The following MAP3K5 variants were observed in gnomAD, a reference collection of about 807,000 sequenced individuals.
MAP3K5 encodes the protein mitogen-activated protein kinase kinase kinase 5, also known as ASK-1.
Under a neutral mutation model 158.7 loss-of-function variants are expected in MAP3K5, and 56 were observed. The observed-to-expected ratio is 0.35, with a 90% confidence interval of 0.28 to 0.44. MAP3K5 has a LOEUF of 0.44. Ranked by LOEUF, MAP3K5 falls within the 20% of genes least tolerant of loss-of-function variation. The pLI is 1.00. For synonymous variants in MAP3K5, 579 were observed against 601.7 expected (o/e 0.96, Z 0.55); for missense variants, 1,294 against 1,674.8 (o/e 0.77, Z 3.97).
chr6:136,574,589 C>G (rs1264775821), intron 25 of MAP3K5, among the ~76,000 whole-genome samples: 1 of 150,928 alleles, frequency 6.6e-6, no homozygotes, highest in Non-Finnish European at 1.5e-5. Context: ...TTCTTGATGA[C>G]AAGTGAGAAA....
intron 21 of MAP3K5, among the ~76,000 whole-genome samples, chr6:136,596,663 C>A (rs1775646421): frequency 6.6e-6 from 1 of 152,078 alleles, no homozygotes; most frequent in Admixed American, 6.6e-5. Context: ...GAGGGATTGG[C>A]CTTCTGTAGG....
At chr6:136,642,103 A>G (rs1020879829) in intron 12 of MAP3K5, among the ~76,000 whole-genome samples, 1 of 151,642 alleles carries the variant, frequency 6.6e-6, no homozygotes, top group Non-Finnish European at 1.5e-5. Context: ...AATTAGTGGC[A>G]GGACACAGTG....
At chr6:136,717,856 T>G (rs1369580059) in intron 2 of MAP3K5, among the ~76,000 whole-genome samples, 1 of 152,024 alleles carries the variant, frequency 6.6e-6, no homozygotes, top group East Asian at 1.9e-4. Context: ...AGGCTAGGAA[T>G]AGTCTAAATA....
intron 3 of MAP3K5, among the ~76,000 whole-genome samples, chr6:136,699,017 T>C (rs1780731416): frequency 6.6e-6 from 1 of 152,156 alleles, no homozygotes; most frequent in Admixed American, 6.5e-5. Context: ...AGGGAACTTA[T>C]AATTTAGTCA....
intron 1 of MAP3K5, among the ~76,000 whole-genome samples, chr6:136,746,986 A>G (rs967503715): frequency 4.6e-5 from 7 of 152,164 alleles, no homozygotes; most frequent in Non-Finnish European, 1.0e-4. Context: ...TGCTCTCTCA[A>G]TCATAACTCA....
At chr6:136,585,505 A>C (rs147723310) in intron 23 of MAP3K5, among the ~76,000 whole-genome samples, 4,231 of 109,920 alleles carry the variant, frequency 0.038, 138 homozygotes, top group East Asian at 0.085. Flanking sequence ...TTATTTATTT[A>C]TTTATTTATT....
intron 1 of MAP3K5, among the ~76,000 whole-genome samples, chr6:136,738,933 C>T (rs1045953940): frequency 2.0e-4 from 24 of 117,306 alleles, no homozygotes; most frequent in African/African-American, 8.2e-4. Flanking sequence ...TCCAAACACA[C>T]ACACGCGTGC....
At chr6:136,692,086 T>A (rs1780413682) in intron 7 of MAP3K5, among the ~76,000 whole-genome samples, 1 of 152,048 alleles carries the variant, frequency 6.6e-6, no homozygotes, top group Non-Finnish European at 1.5e-5. Context: ...TTTCTTTTTT[T>A]TAATAAGACA....
chr6:136,586,159 T>C (rs1240734327), intron 23 of MAP3K5, among the ~76,000 whole-genome samples: 4 of 152,246 alleles, frequency 2.6e-5, no homozygotes, highest in African/African-American at 9.6e-5. Context: ...TTATAAACTT[T>C]GTTGGTTTTT....
At chr6:136,713,304 C>A (rs568096045) in intron 2 of MAP3K5, among the ~76,000 whole-genome samples, 3 of 152,134 alleles carry the variant, frequency 2.0e-5, no homozygotes, top group African/African-American at 7.2e-5. Context: ...CATTGTGCAT[C>A]GCCTCTTAGA....
chr6:136,566,044 C>A (rs544938461), intron 26 of MAP3K5, among the ~76,000 whole-genome samples: 5 of 152,224 alleles, frequency 3.3e-5, no homozygotes, highest in Admixed American at 6.5e-5. Context: ...CAGCTAGAAC[C>A]AAGAGACACT....
intron 10 of MAP3K5, among the ~76,000 whole-genome samples, chr6:136,653,747 T>A (rs1213644014): frequency 2.0e-5 from 3 of 152,200 alleles, no homozygotes; most frequent in Non-Finnish European, 4.4e-5. Flanking sequence ...AAGAAAACAA[T>A]CAAGCGGTTA....
intron 8 of MAP3K5, among the ~76,000 whole-genome samples, chr6:136,660,350 T>C (rs1778952097): frequency 6.6e-6 from 1 of 151,458 alleles, no homozygotes; most frequent in South Asian, 2.1e-4. Context: ...TCAGAAGTAC[T>C]AGACTGGCCT....
In MAP3K5 at chr6:136,695,954, T is replaced by C; in HGVS notation, c.1079A>G (p.Asn360Ser). 6.2e-7 allele frequency: 1 copy of C among 1,605,124 alleles called. No individual in the cohort carries two copies. Among genetic ancestry groups the C allele is most frequent in the Non-Finnish European group, 8.5e-7 (1 of 1,173,486 alleles). Residue 360 changes from asparagine to serine, a missense_variant, in exon 6 of 30, where the codon AAT becomes AGT. Asn to Ser is a conservative substitution (Grantham distance 46). Transcript: ENST00000359015. ...HVKFHYAFAL[N>S]RRNLPGDRAK... is the part of the protein sequence containing the mutation. ...GAAGGGAACTTTTTCTTCTTACCTA[T>C]TCAGTGCAAATGCATAATGAAACTT...
intron 8 of MAP3K5, among the ~76,000 whole-genome samples, chr6:136,665,709 A>G (rs1043412621): frequency 1.3e-5 from 2 of 152,218 alleles, no homozygotes; most frequent in African/African-American, 4.8e-5. Context: ...AAGGAAAAGT[A>G]CTTACTTCTT....
At position 136,557,049 on chromosome 6, in the gene MAP3K5, T is replaced by C. The variant is rs1263479641; in HGVS notation, c.*709A>G. On this transcript the variant is annotated 3_prime_UTR_variant, in exon 30 of 30. Coordinates refer to ENST00000359015, the MANE Select transcript of MAP3K5 (RefSeq NM_005923.4). The stretch of plus-strand genomic sequence containing the variant: ...TTCTTTAGAATTTATCAAAACAGTA[T>C]GTTGAGAGTCTCTTTAATTTTTAGA... 2.6e-5 allele frequency: 4 copies of C among 152,196 alleles called. No individual in the cohort carries two copies. Among genetic ancestry groups the C allele is most frequent in the African/African-American group, 7.2e-5 (3 of 41,446 alleles). 9.4% of individuals were successfully genotyped at this position (152,196 alleles called of 1,614,324 possible). A position where few individuals can be genotyped will look rare whatever the true frequency, so the allele number is the denominator to read the frequency against.
chr6:136,772,110 G>A (rs1460149665), intron 1 of MAP3K5, among the ~76,000 whole-genome samples: 1 of 131,834 alleles, frequency 7.6e-6, no homozygotes, highest in Non-Finnish European at 1.6e-5. Flanking sequence ...GGGGGGGGGG[G>A]TTTACCATGT....
intron 21 of MAP3K5, 76 bp from the exon 22 acceptor site, chr6:136,592,690 A>T: frequency 8.3e-7 from 1 of 1,208,552 alleles, no homozygotes; most frequent in African/African-American, 1.5e-5. Flanking sequence ...CCATTGAAAG[A>T]GGCCATATTC....
intron 1 of MAP3K5, among the ~76,000 whole-genome samples, chr6:136,789,550 C>T (rs1784982107): frequency 6.6e-6 from 1 of 152,004 alleles, no homozygotes. Flanking sequence ...CTATTCCATA[C>T]ACACCTAAAT....
Sources: allele counts gnomAD v4.1 joint callset (sites outside exome capture counted in the v4.1 genomes callset), GRCh38; gene constraint gnomAD v4.1.1; transcripts MANE v1.5; gene names NCBI Gene and HGNC (gene_info 2026-07-23, HGNC 2026-07-21).